FBXO15: variants seen among roughly 807,000 people sequenced by gnomAD.
The protein encoded by FBXO15 is F-box only protein 15.
FBXO15 carries 30 observed loss-of-function variants against 49.5 expected under a neutral mutation model. The observed-to-expected ratio is 0.61, with a 90% CI of 0.45 to 0.82. The LOEUF (loss-of-function observed/expected upper bound fraction) is 0.82, where lower values mean the gene tolerates loss of function less well. FBXO15 is among the 40% of genes least tolerant of loss of function. The pLI is 0.00. For missense variants in FBXO15, 591 were observed against 631.5 expected (o/e 0.94, Z 0.69); for synonymous variants, 250 against 232.7 (o/e 1.07, Z -0.68).
chr18:74,082,479 G>A (rs1912544585), intron 8 of FBXO15, among the ~76,000 whole-genome samples: 1 of 152,258 alleles, frequency 6.6e-6, no homozygotes, highest in African/African-American at 2.4e-5. Flanking sequence ...CGAACATGAA[G>A]AGGAGTGGAA....
At chr18:74,084,734 T>C (rs1275476096) in intron 8 of FBXO15, among the ~76,000 whole-genome samples, 1 of 152,176 alleles carries the variant, frequency 6.6e-6, no homozygotes, top group Non-Finnish European at 1.5e-5. Flanking sequence ...ACTGTACTGG[T>C]AAGCATGGCC....
intron 8 of FBXO15, among the ~76,000 whole-genome samples, chr18:74,095,769 A>G (rs1463299695): frequency 6.6e-6 from 1 of 152,220 alleles, no homozygotes; most frequent in Admixed American, 6.5e-5. Context: ...GAGGTGCCAC[A>G]AACTTTGAAG....
intron 8 of FBXO15, among the ~76,000 whole-genome samples, chr18:74,109,076 A>C (rs1022986045): frequency 6.6e-6 from 1 of 152,222 alleles, no homozygotes; most frequent in African/African-American, 2.4e-5. Flanking sequence ...AAAGAAAAGG[A>C]AAATGATCAT....
rs145612298 is a variant in FBXO15, at chr18:74,082,343, C to T, written c.1139-292G>A. Among the ~76,000 whole-genome samples the T allele has an allele frequency of 1.8e-4, 27 of 152,216 alleles. No homozygotes were observed. In the East Asian group the frequency reaches 4.6e-3, roughly 26 times the overall value. ...CACCTGTCACTGATGGAAAGGTGGTCGCTGAAGGAGGAAAGGGTTCTTCTG... is the reference window on the plus strand; with the variant it reads ...CACCTGTCACTGATGGAAAGGTGGTTGCTGAAGGAGGAAAGGGTTCTTCTG... On this transcript the variant is annotated intron_variant, in intron 8 of 9. Coordinates refer to ENST00000419743, the MANE Select transcript of FBXO15 (RefSeq NM_001142958.2).
In FBXO15 at chr18:74,099,285, A is replaced by C. The variant is rs558539528; in HGVS notation, c.1139-17234T>G. 2.0e-5 allele frequency: 3 copies of C among 152,334 alleles called. No homozygotes were observed. In the East Asian group the frequency reaches 5.8e-4, roughly 29 times the overall value. The allele number at this position is 152,334 out of a possible 1,614,324, so 9.4% of individuals were successfully genotyped here. A position where few individuals can be genotyped will look rare whatever the true frequency, so the allele number is the denominator to read the frequency against. On this transcript the variant is annotated intron_variant, in intron 8 of 9. Coordinates refer to ENST00000419743, the MANE Select transcript of FBXO15 (RefSeq NM_001142958.2). ...GGCCCTATGTTAAGCCTCCTTAAAC[A>C]AAACAACTATCAGCCAAAAATTTTG...
chr18:74,084,722 A>C (rs1912665219), intron 8 of FBXO15, among the ~76,000 whole-genome samples: 1 of 152,162 alleles, frequency 6.6e-6, no homozygotes, highest in African/African-American at 2.4e-5. Context: ...GTTTCCAGTG[A>C]CACTGTACTG....
At chr18:74,102,444 T>C (rs1913565282) in intron 8 of FBXO15, among the ~76,000 whole-genome samples, 1 of 151,936 alleles carries the variant, frequency 6.6e-6, no homozygotes, top group South Asian at 2.1e-4. Context: ...AATCAAAAAA[T>C]CAAAACATAA....
intron 8 of FBXO15, chr18:74,122,967 G>A (rs9957348): frequency 0.015 from 2,463 of 161,168 alleles, 84 homozygotes; most frequent in African/African-American, 0.054. Flanking sequence ...GATGCAGTAC[G>A]TAGAGGAGAA....
At chr18:74,145,743 G>A (rs779513412) in intron 1 of FBXO15, among the ~76,000 whole-genome samples, 15 of 151,892 alleles carry the variant, frequency 9.9e-5, no homozygotes, top group Non-Finnish European at 1.9e-4. Flanking sequence ...GCCTACAGGC[G>A]CCCGCCACCA....
chr18:74,108,294 T>A (rs9955336), intron 8 of FBXO15, among the ~76,000 whole-genome samples: 7,551 of 151,652 alleles, frequency 0.05, 582 homozygotes, highest in African/African-American at 0.17. Context: ...ATAAAAAAAA[T>A]TTTTTAAAAA....
chr18:74,085,322 C>T (rs991086937), intron 8 of FBXO15, among the ~76,000 whole-genome samples: 3 of 136,890 alleles, frequency 2.2e-5, no homozygotes, highest in African/African-American at 2.8e-5. Flanking sequence ...TGGCTGGGTG[C>T]AGTGGCTCAC....
chr18:74,077,809 C>A (rs1174334927), intron 9 of FBXO15, among the ~76,000 whole-genome samples: 2 of 152,172 alleles, frequency 1.3e-5, no homozygotes, highest in Admixed American at 6.5e-5. Context: ...GCTCTGAGGT[C>A]TAAGCACCTC....
intron 8 of FBXO15, 189 bp downstream of exon 8, chr18:74,123,179 C>T: frequency 1.9e-6 from 1 of 540,218 alleles, no homozygotes; most frequent in African/African-American, 2.0e-5. Flanking sequence ...GAGACAGAGC[C>T]AGTTCTGAAG....
chr18:74,094,789 T>C (rs1200140968), intron 8 of FBXO15, among the ~76,000 whole-genome samples: 1 of 152,200 alleles, frequency 6.6e-6, no homozygotes, highest in Non-Finnish European at 1.5e-5. Flanking sequence ...AGTCAACCTG[T>C]CCTTTGAAGC....
At chr18:74,091,229 C>A (rs977264313) in intron 8 of FBXO15, among the ~76,000 whole-genome samples, 1 of 151,828 alleles carries the variant, frequency 6.6e-6, no homozygotes, top group Non-Finnish European at 1.5e-5. Flanking sequence ...CTTTTTTTCT[C>A]TTTTCTGTTT....
chr18:74,133,549 G>A (rs1177068666), intron 3 of FBXO15, among the ~76,000 whole-genome samples: 1 of 152,140 alleles, frequency 6.6e-6, no homozygotes, highest in African/African-American at 2.4e-5. Context: ...CTTTCTTTTA[G>A]TGACCACCTT....
chr18:74,103,781 C>G (rs1301951523), intron 8 of FBXO15, among the ~76,000 whole-genome samples: 1 of 152,088 alleles, frequency 6.6e-6, no homozygotes, highest in Non-Finnish European at 1.5e-5. Flanking sequence ...GAAAATCTAT[C>G]TTTCAAATAT....
intron 2 of FBXO15, among the ~76,000 whole-genome samples, chr18:74,139,126 T>G (rs141042754): frequency 6.6e-6 from 1 of 152,264 alleles, no homozygotes; most frequent in East Asian, 1.9e-4. Context: ...TCAGTTCTCA[T>G]CTTAAATGCG....
chr18:74,146,659 T>C (rs1279223889), intron 1 of FBXO15, among the ~76,000 whole-genome samples: 2 of 152,180 alleles, frequency 1.3e-5, no homozygotes, highest in South Asian at 4.1e-4. Context: ...TCTAGCATTA[T>C]AGGTATTCAA....
Sources: allele counts gnomAD v4.1 joint callset (sites outside exome capture counted in the v4.1 genomes callset), GRCh38; gene constraint gnomAD v4.1.1; transcripts MANE v1.5; gene names NCBI Gene and HGNC (gene_info 2026-07-23, HGNC 2026-07-21).